The following LRRC4C variants were observed in gnomAD, a reference collection of about 807,000 sequenced individuals.
LRRC4C encodes the protein leucine-rich repeat-containing protein 4C.
Under a neutral mutation model 33.6 loss-of-function variants are expected in LRRC4C, and 5 were observed. That is an observed-to-expected ratio of 0.15 (90% CI 0.08 to 0.31). The LOEUF (loss-of-function observed/expected upper bound fraction) is 0.31. Among genes scored for constraint, LRRC4C ranks in the 10% least tolerant of loss-of-function variants. The pLI is 1.00. For missense variants in LRRC4C, 560 were observed against 796.7 expected (o/e 0.70, Z 3.58); for synonymous variants, 329 against 302.0 (o/e 1.09, Z -0.93).
At chr11:40,201,383 T>A (rs555799574) in intron 5 of LRRC4C, among the ~76,000 whole-genome samples, 16 of 152,314 alleles carry the variant, frequency 1.1e-4, no homozygotes, top group African/African-American at 3.8e-4. Context: ...AAGCCCTTTT[T>A]TTGAGAAAAG....
At chr11:40,126,327 A>C (rs1856221856) in intron 6 of LRRC4C, among the ~76,000 whole-genome samples, 1 of 152,144 alleles carries the variant, frequency 6.6e-6, no homozygotes, top group African/African-American at 2.4e-5. Context: ...TTGTGACTAT[A>C]TGTTACTAGT....
intron 2 of LRRC4C, among the ~76,000 whole-genome samples, chr11:40,721,896 G>A (rs1037797854): frequency 2.0e-5 from 3 of 152,116 alleles, no homozygotes; most frequent in Non-Finnish European, 2.9e-5. Flanking sequence ...AGCCAAGATC[G>A]CGCCACTGCA....
intron 2 of LRRC4C, among the ~76,000 whole-genome samples, chr11:40,653,769 A>G (rs1376175288): frequency 6.6e-6 from 1 of 152,190 alleles, no homozygotes; most frequent in Non-Finnish European, 1.5e-5. Flanking sequence ...TCACCAAGAA[A>G]ATGGGGAAAA....
intron 6 of LRRC4C, among the ~76,000 whole-genome samples, chr11:40,116,738 T>C (rs915080107): frequency 7.2e-5 from 11 of 152,182 alleles, no homozygotes; most frequent in African/African-American, 2.7e-4. Flanking sequence ...TTTGCAAAAG[T>C]AGTAATAGCT....
intron 1 of LRRC4C, among the ~76,000 whole-genome samples, chr11:41,135,932 C>A (rs1943239141): frequency 1.3e-5 from 2 of 152,144 alleles, no homozygotes; most frequent in South Asian, 2.1e-4. Flanking sequence ...AGTGCATGCC[C>A]TTTGCACCAG....
At chr11:41,018,380 C>A (rs187257844) in intron 1 of LRRC4C, among the ~76,000 whole-genome samples, 197 of 149,516 alleles carry the variant, frequency 1.3e-3, no homozygotes, top group African/African-American at 4.6e-3. Flanking sequence ...TAGATTTCTC[C>A]AGCTACTTTT....
At chr11:41,366,668 T>A (rs890075133) in intron 1 of LRRC4C, among the ~76,000 whole-genome samples, 6 of 152,068 alleles carry the variant, frequency 3.9e-5, no homozygotes, top group Non-Finnish European at 7.4e-5. Flanking sequence ...GATAAGGTCT[T>A]TAAGGAAGTA....
intron 1 of LRRC4C, among the ~76,000 whole-genome samples, chr11:41,402,027 A>G (rs1484486241): frequency 1.3e-5 from 2 of 152,010 alleles, no homozygotes; most frequent in Admixed American, 1.3e-4. Context: ...GTACCACATT[A>G]AAGACATATA....
intron 2 of LRRC4C, among the ~76,000 whole-genome samples, chr11:40,913,972 T>C (rs1011329552): frequency 7.9e-5 from 12 of 152,064 alleles, no homozygotes; most frequent in Admixed American, 7.2e-4. Flanking sequence ...TTCCTCGACA[T>C]ATACACCCTC....
chr11:40,994,651 G>C (rs1001635873), intron 1 of LRRC4C, among the ~76,000 whole-genome samples: 6 of 151,956 alleles, frequency 3.9e-5, no homozygotes, highest in Non-Finnish European at 5.9e-5. Context: ...CCCAGAGGAA[G>C]CAAAAATTAC....
At chr11:41,163,282 C>CCGTTTTTTTTTTTT (rs1944554396) in intron 1 of LRRC4C, among the ~76,000 whole-genome samples, 1 of 18,530 alleles carries the variant, frequency 5.4e-5, no homozygotes, top group African/African-American at 1.1e-4. Flanking sequence ...TTTACTGTAA[C>CCGTTTTTTTTTTTT]TGTTTTTTTT....
At chr11:40,964,100 A>C (rs529609019) in intron 1 of LRRC4C, among the ~76,000 whole-genome samples, 1 of 151,718 alleles carries the variant, frequency 6.6e-6, no homozygotes, top group Admixed American at 6.6e-5. Flanking sequence ...CAGTTTCTTC[A>C]TCTATCAAAC....
intron 3 of LRRC4C, among the ~76,000 whole-genome samples, chr11:40,564,791 C>G (rs1591121442): frequency 6.6e-6 from 1 of 152,120 alleles, no homozygotes; most frequent in Non-Finnish European, 1.5e-5. Flanking sequence ...GTCAAGACAC[C>G]TGGACTCCTT....
chr11:40,676,900 T>C (rs1043788563), intron 2 of LRRC4C, among the ~76,000 whole-genome samples: 1 of 152,102 alleles, frequency 6.6e-6, no homozygotes, highest in Non-Finnish European at 1.5e-5. Flanking sequence ...ATGGTGTATT[T>C]CCCAATTTAC....
rs182955098 is a variant in LRRC4C, at chr11:40,804,072, T to C, written c.-407+129563A>G. Among the ~76,000 whole-genome samples the C allele has an allele frequency of 1.2e-4, 19 of 152,318 alleles. 1 individual carries two copies. In the East Asian group the frequency reaches 2.7e-3, roughly 22 times the overall value. ...AATTTTGTTTGAATTATTATATAAA[T>C]GGTTTTCTATTTTTCCTTCTCTTTT... On this transcript the variant is annotated intron_variant, in intron 2 of 6. Coordinates refer to ENST00000528697, the MANE Select transcript of LRRC4C (RefSeq NM_001258419.2).
At chr11:40,915,417 A>G (rs1359877605) in intron 2 of LRRC4C, among the ~76,000 whole-genome samples, 1 of 152,216 alleles carries the variant, frequency 6.6e-6, no homozygotes, top group Admixed American at 6.5e-5. Flanking sequence ...CTGATCTTTG[A>G]CAAACCTGAC....
chr11:40,446,472 A>G (rs1332327650), intron 3 of LRRC4C: 1 of 152,134 alleles, frequency 6.6e-6, no homozygotes, highest in African/African-American at 2.4e-5. Context: ...CTTACTTGAT[A>G]TGTGGGTGTG....
In LRRC4C at chr11:40,994,231, C is replaced by G. The variant is rs146610405; in HGVS notation, c.-495-60508G>C. 8.5e-5 allele frequency among the ~76,000 whole-genome samples: 13 copies of G among 152,174 alleles called. No individual in the cohort carries two copies. The East Asian group carries it at 9.7e-4, about 11-fold the overall frequency. ...TAAAATTCATGAGTGCGCCATGGAG[C>G]ATTACTCAAATCCAAATAAATCCAA... On this transcript the variant is annotated intron_variant, in intron 1 of 6. Coordinates refer to ENST00000528697, the MANE Select transcript of LRRC4C (RefSeq NM_001258419.2).
intron 1 of LRRC4C, among the ~76,000 whole-genome samples, chr11:41,205,129 T>TA (rs1421022882): frequency 3.9e-5 from 6 of 151,928 alleles, no homozygotes; most frequent in African/African-American, 9.7e-5. Context: ...TCCAGGAACA[T>TA]AAAAAAAGTA....
Sources: allele counts gnomAD v4.1 joint callset (sites outside exome capture counted in the v4.1 genomes callset), GRCh38; gene constraint gnomAD v4.1.1; transcripts MANE v1.5; gene names NCBI Gene and HGNC (gene_info 2026-07-23, HGNC 2026-07-21).